Variants in ESR2 observed in about 807,000 individuals in gnomAD.
The protein encoded by ESR2 is estrogen receptor beta.
In ESR2, 36 loss-of-function variants were observed where a neutral mutation model predicts 49.6. The observed-to-expected ratio is 0.73, with a 90% CI of 0.56 to 0.96. The LOEUF (loss-of-function observed/expected upper bound fraction) is 0.96. Among genes scored for constraint, ESR2 ranks in the 40% least tolerant of loss-of-function variants. The pLI is 0.00. For missense variants in ESR2, 714 were observed against 693.0 expected, an observed-to-expected ratio of 1.03 and a Z score of -0.34; for synonymous variants, 320 against 266.1, an observed-to-expected ratio of 1.20 and a Z score of -1.97.
chr14:64,241,006 C>T (rs1380993087), intron 7 of ESR2, among the ~76,000 whole-genome samples: 4 of 151,472 alleles, frequency 2.6e-5, no homozygotes, highest in East Asian at 1.9e-4. Flanking sequence ...ATTAGCCGGG[C>T]GTGATGGTGG....
intron 4 of ESR2, among the ~76,000 whole-genome samples, chr14:64,267,226 A>C (rs984739425): frequency 1.3e-5 from 2 of 152,212 alleles, no homozygotes; most frequent in Non-Finnish European, 2.9e-5. Flanking sequence ...TTTCCTATTC[A>C]TAATATGTTT....
chr14:64,298,100 C>T (rs1359763635), upstream of ESR2, among the ~76,000 whole-genome samples: 1 of 152,186 alleles, frequency 6.6e-6, no homozygotes, highest in Non-Finnish European at 1.5e-5. Context: ...ATAAAGTTCA[C>T]AAAATGTGAT....
intron 2 of ESR2, among the ~76,000 whole-genome samples, chr14:64,281,551 A>G (rs550762654): frequency 6.6e-6 from 1 of 152,310 alleles, no homozygotes; most frequent in Non-Finnish European, 1.5e-5. Context: ...TAATGGTGCA[A>G]TGTTACTGTC....
intron 3 of ESR2, among the ~76,000 whole-genome samples, chr14:64,273,925 T>G (rs554453895): frequency 6.8e-6 from 1 of 146,932 alleles, no homozygotes; most frequent in East Asian, 2.0e-4. Context: ...GTCCTGGCTT[T>G]TCTTTGCTGA....
chr14:64,257,416 C>A (rs1021994262), intron 5 of ESR2, 52 bp from the exon 6 acceptor site: 1 of 1,606,656 alleles, frequency 6.2e-7, no homozygotes, highest in Non-Finnish European at 8.5e-7. Context: ...CCTCAGCTCC[C>A]TGTGTGTGTA....
intron 4 of ESR2, among the ~76,000 whole-genome samples, chr14:64,265,608 A>G (rs2076313590): frequency 6.6e-6 from 1 of 152,210 alleles, no homozygotes; most frequent in African/African-American, 2.4e-5. Flanking sequence ...ATGTTGAGCT[A>G]TTGTCCCAAT....
chr14:64,237,498 T>C (rs1327206530), intron 7 of ESR2, among the ~76,000 whole-genome samples: 1 of 152,222 alleles, frequency 6.6e-6, no homozygotes, highest in African/African-American at 2.4e-5. Flanking sequence ...AGCAATACTA[T>C]GTCTGGGAAT....
At chr14:64,252,672 C>T (rs545089598) in intron 6 of ESR2, among the ~76,000 whole-genome samples, 141 of 152,146 alleles carry the variant, frequency 9.3e-4, no homozygotes, top group Middle Eastern at 6.8e-3. Flanking sequence ...CCGGGAGCTG[C>T]CAAACACTTT....
In ESR2 at chr14:64,230,568, T is replaced by C. The variant is rs989136697; in HGVS notation, c.*2569A>G. 3.9e-5 allele frequency among the ~76,000 whole-genome samples: 6 copies of C among 152,252 alleles called. No homozygotes were observed. Among genetic ancestry groups the C allele is most frequent in the South Asian group, 2.1e-4 (1 of 4,820 alleles). ...GCAGTTGAGTCTTCAGATTTGTGAC[T>C]AGGCTGACAGCTTTGTCTTGTGTTC... On this transcript the variant is annotated 3_prime_UTR_variant, in exon 9 of 9. Transcript: ENST00000341099.
At chr14:64,307,008 T>C (rs1348210682) in intron 1 of ESR2, among the ~76,000 whole-genome samples, 1 of 152,110 alleles carries the variant, frequency 6.6e-6, no homozygotes, top group East Asian at 1.9e-4. Context: ...GGTAATTTGG[T>C]TTTTTTCAAG....
chr14:64,273,786 G>C (rs538754783), intron 3 of ESR2, among the ~76,000 whole-genome samples: 1 of 152,048 alleles, frequency 6.6e-6, no homozygotes, highest in South Asian at 2.1e-4. Flanking sequence ...CTGGTATCAC[G>C]GTAATACTGG....
chr14:64,333,295 G>A (rs898989586), intron 1 of ESR2, among the ~76,000 whole-genome samples: 14 of 151,984 alleles, frequency 9.2e-5, no homozygotes, highest in Non-Finnish European at 1.6e-4. Flanking sequence ...AATTCGTTCC[G>A]TTAAGTCCTG....
In ESR2 at chr14:64,282,890, T is replaced by C; in HGVS notation, c.96A>G (p.Ile32Met). The C allele has an allele frequency of 6.2e-7, 1 of 1,614,084 alleles. No homozygotes were observed. The highest frequency in any genetic ancestry group is 8.5e-7 in the Non-Finnish European group (1 of 1,180,006). The change falls in exon 2 of 9, where the codon ATA becomes ATG. Residue 32 changes from isoleucine (I) to methionine (M), a missense_variant. Coordinates refer to ENST00000341099, the MANE Select transcript of ESR2 (RefSeq NM_001437.3). The part of the protein sequence containing the change: ...ILPLEHGSIY[I>M]PSSYVDSHHE... Reference sequence around the variant, plus strand: ...GGTGGCTGTCTACATAGGAGGAAGGTATGTATATGGAGCCGTGCTCCAGGG... The same window carrying C: ...GGTGGCTGTCTACATAGGAGGAAGGCATGTATATGGAGCCGTGCTCCAGGG...
In ESR2 at chr14:64,233,182, C is replaced by G. The variant is rs150646898; in HGVS notation, c.1548G>C (p.Glu516Asp). The G allele has an allele frequency of 6.2e-7, 1 of 1,614,138 alleles. No homozygotes were observed. Among genetic ancestry groups the G allele is most frequent in the Non-Finnish European group, 8.5e-7 (1 of 1,180,024 alleles). Residue 516 changes from glutamate (E) to aspartate (D), a missense_variant, in exon 9 of 9, where the codon GAG (glutamate) becomes GAC (aspartate). By Grantham distance (45) the Glu-to-Asp change is conservative. Coordinates refer to ENST00000341099, the MANE Select transcript of ESR2 (RefSeq NM_001437.3). ...SITGSECSPA[E>D]DSKSKEGSQN... is the part of the protein sequence containing the mutation. ...GGGAGCCCTCTTTGCTTTTACTGTC[C>G]TCTGCCGGGCTGCACTCGGACCCCG... is the stretch of plus-strand genomic sequence containing the variant.
Position 64,232,244 on chromosome 14 carries a change from T to C in ESR2, c.*893A>G, listed in dbSNP as rs1375515193. 2 of 152,188 alleles carry C rather than the reference T, an allele frequency of 1.3e-5. No homozygotes were observed. Among genetic ancestry groups the C allele is most frequent in the Non-Finnish European group, 2.9e-5 (2 of 68,042 alleles). 9.4% of individuals were successfully genotyped at this position (152,188 alleles called of 1,614,324 possible). ...ATTGTGGCTGCTACTTATGAGGTTGTACAAGATGGAAACTGCATCCACATT... is the reference window on the plus strand; with the variant it reads ...ATTGTGGCTGCTACTTATGAGGTTGCACAAGATGGAAACTGCATCCACATT... On this transcript the variant is annotated 3_prime_UTR_variant, in exon 9 of 9. Transcript: ENST00000341099.
chr14:64,282,912 AG>A lies in ESR2; in HGVS notation c.73del (p.Leu25TrpfsTer13). On this transcript the variant is annotated frameshift_variant, in exon 2 of 9. Transcript: ENST00000341099. LOFTEE classifies it high-confidence loss of function. ...AGGTATGTATATGGAGCCGTGCTCC[AG>A]GGGTAAGATGGATTGACTGCAGTTG... The part of the protein sequence containing the change: ...SYNCSQSILP[L>X]EHGSIYIPSS... 1 of 1,614,178 alleles carries A rather than the reference AG, an allele frequency of 6.2e-7. No homozygotes were observed. The highest frequency in any genetic ancestry group is 8.5e-7 in the Non-Finnish European group (1 of 1,180,004).
rs921279183 is a variant in ESR2 at position 64,232,894 on chromosome 14, A to G, written c.*243T>C. On this transcript the variant is annotated 3_prime_UTR_variant, in exon 9 of 9. Coordinates refer to ENST00000341099, the MANE Select transcript of ESR2 (RefSeq NM_001437.3). ...GTAAGAAAGACCACACTGAGATCCT[A>G]TGAGGCCATTGAGTGTGGAAACGCT... The G allele has an allele frequency of 1.7e-6, 1 of 578,088 alleles. No individual in the cohort carries two copies. The allele number at this position is 578,088 out of a possible 1,614,324, so 35.8% of individuals were successfully genotyped here.
At chr14:64,306,961 T>C (rs2077108973) in intron 1 of ESR2, among the ~76,000 whole-genome samples, 1 of 152,182 alleles carries the variant, frequency 6.6e-6, no homozygotes, top group South Asian at 2.1e-4. Flanking sequence ...AAAATAGATA[T>C]AGGACTACTC....
chr14:64,227,365 G>C (rs1465924269), downstream of ESR2: 3 of 701,838 alleles, frequency 4.3e-6, no homozygotes, highest in Non-Finnish European at 7.0e-6. Context: ...TCAAATTGTT[G>C]GATTGATAAT....
Sources: gnomAD v4.1 joint callset for allele counts (sites outside exome capture counted in the v4.1 genomes callset) on GRCh38, gnomAD v4.1.1 for gene constraint, MANE v1.5 for transcripts, NCBI Gene and HGNC (gene_info 2026-07-23, HGNC 2026-07-21) for gene names.